FHIT: variants seen among roughly 807,000 people sequenced by gnomAD.
FHIT encodes bis(5'-adenosyl)-triphosphatase.
In FHIT, 19 loss-of-function variants were observed where a neutral mutation model predicts 17.9. The observed-to-expected ratio is 1.06, with a 90% CI of 0.74 to 1.56. The LOEUF is 1.56. Ranked by LOEUF, FHIT falls within the 40% of genes most tolerant of loss-of-function variation. The probability of loss-of-function intolerance (pLI) is 0.00; values close to 1 mark genes in which losing one functional copy is unlikely to be tolerated. For missense variants in FHIT, 248 were observed against 189.2 expected, an observed-to-expected ratio of 1.31 and a Z score of -1.82; for synonymous variants, 81 against 69.7, an observed-to-expected ratio of 1.16 and a Z score of -0.81.
At chr3:59,780,469 C>CT (rs1380594359) in intron 8 of FHIT, among the ~76,000 whole-genome samples, 1 of 152,192 alleles carries the variant, frequency 6.6e-6, no homozygotes, top group Non-Finnish European at 1.5e-5. Flanking sequence ...CTGGCTCTAC[C>CT]TTCTTCCACT....
At chr3:60,092,501 CT>C (rs2107101823) in intron 5 of FHIT, among the ~76,000 whole-genome samples, 1 of 152,282 alleles carries the variant, frequency 6.6e-6, no homozygotes, top group South Asian at 2.1e-4. Flanking sequence ...TAAGGTCTGG[CT>C]TTTAACTAAA....
At chr3:59,906,926 C>T (rs1704610294) in intron 8 of FHIT, among the ~76,000 whole-genome samples, 1 of 152,208 alleles carries the variant, frequency 6.6e-6, no homozygotes, top group South Asian at 2.1e-4. Flanking sequence ...AATACCCTTT[C>T]TGCTATGCTA....
chr3:60,861,987 G>C (rs931916540), intron 3 of FHIT, among the ~76,000 whole-genome samples: 1 of 147,192 alleles, frequency 6.8e-6, no homozygotes, highest in African/African-American at 2.5e-5. Flanking sequence ...TGGTAACCTA[G>C]AATAAAATGA....
At chr3:60,141,603 C>T (rs1305286977) in intron 5 of FHIT, among the ~76,000 whole-genome samples, 2 of 152,086 alleles carry the variant, frequency 1.3e-5, no homozygotes, top group African/African-American at 4.8e-5. Flanking sequence ...AGTGATATGT[C>T]AACAAATATA....
intron 3 of FHIT, among the ~76,000 whole-genome samples, chr3:60,960,457 T>C (rs1270792322): frequency 1.3e-5 from 2 of 152,232 alleles, no homozygotes; most frequent in African/African-American, 4.8e-5. Context: ...AGTTCTAGGG[T>C]ACATGTGCAC....
At chr3:60,627,067 T>C (rs565598103) in intron 4 of FHIT, among the ~76,000 whole-genome samples, 25 of 152,228 alleles carry the variant, frequency 1.6e-4, no homozygotes, top group African/African-American at 5.8e-4. Flanking sequence ...GTACAAAATA[T>C]GTTGCTGGAT....
chr3:60,161,117 A>G lies in FHIT; in HGVS notation c.104-146965T>C, dbSNP rs972467579. 1.1e-4 allele frequency among the ~76,000 whole-genome samples: 16 copies of G among 152,212 alleles called. 1 individual carries two copies. The highest frequency in any genetic ancestry group is 9.8e-4 in the Admixed American group (15 of 15,286). ...CATATACCTCCTAACGAGTATGACAATAACAGAAGAACTGACTTGTGTGGC... is the reference window on the plus strand; with the variant it reads ...CATATACCTCCTAACGAGTATGACAGTAACAGAAGAACTGACTTGTGTGGC... On this transcript the variant is annotated intron_variant, in intron 5 of 9. Transcript: ENST00000492590.
intron 2 of FHIT, among the ~76,000 whole-genome samples, chr3:61,177,298 C>T (rs1005319648): frequency 1.3e-5 from 2 of 152,060 alleles, no homozygotes; most frequent in South Asian, 4.2e-4. Context: ...TTAAAGAGGA[C>T]CTCCCAAATT....
intron 3 of FHIT, among the ~76,000 whole-genome samples, chr3:60,927,053 G>A (rs1040935123): frequency 5.3e-5 from 8 of 152,052 alleles, no homozygotes; most frequent in Non-Finnish European, 8.8e-5. Context: ...CTCTGTTGCC[G>A]AGGCTGGACT....
intron 1 of FHIT, among the ~76,000 whole-genome samples, chr3:61,209,956 G>A (rs914519602): frequency 1.3e-5 from 2 of 152,048 alleles, no homozygotes; most frequent in South Asian, 2.1e-4. Flanking sequence ...TCTACCTTTG[G>A]TCTTTGATGA....
chr3:60,074,272 C>T (rs920584312), intron 5 of FHIT, among the ~76,000 whole-genome samples: 4 of 152,028 alleles, frequency 2.6e-5, no homozygotes, highest in Non-Finnish European at 5.9e-5. Context: ...TGCACCCATA[C>T]AAATGTTAAA....
chr3:60,069,499 G>A (rs2630180), intron 5 of FHIT, among the ~76,000 whole-genome samples: 50,801 of 152,030 alleles, frequency 0.33, 9,796 homozygotes, highest in African/African-American at 0.53. Flanking sequence ...GGGGCTGCAG[G>A]TCCAGCAAAG....
intron 3 of FHIT, among the ~76,000 whole-genome samples, chr3:60,923,550 A>G (rs2107324199): frequency 6.6e-6 from 1 of 152,330 alleles, no homozygotes; most frequent in East Asian, 1.9e-4. Flanking sequence ...GAGTCTGGTA[A>G]TTATGTATTT....
intron 7 of FHIT, among the ~76,000 whole-genome samples, chr3:59,947,350 G>A (rs143270962): frequency 6.6e-6 from 1 of 152,070 alleles, no homozygotes; most frequent in African/African-American, 2.4e-5. Context: ...CTGGGGGGTT[G>A]GTGGTAATGT....
intron 3 of FHIT, among the ~76,000 whole-genome samples, chr3:60,961,136 G>A (rs538927409): frequency 3.3e-5 from 5 of 152,212 alleles, no homozygotes. Context: ...TAAATGGTGT[G>A]AGATGGTATC....
At chr3:60,207,700 G>T (rs1222759181) in intron 5 of FHIT, among the ~76,000 whole-genome samples, 1 of 152,050 alleles carries the variant, frequency 6.6e-6, no homozygotes, top group Non-Finnish European at 1.5e-5. Context: ...TATAGAATTC[G>T]TATGTGAGTT....
chr3:59,946,484 C>T (rs989207839), intron 7 of FHIT, among the ~76,000 whole-genome samples: 30 of 152,232 alleles, frequency 2.0e-4, no homozygotes, highest in African/African-American at 3.1e-4. Context: ...TTTAACTTCC[C>T]GTCTTGCTAT....
At chr3:60,525,399 T>C (rs930845782) in intron 5 of FHIT, among the ~76,000 whole-genome samples, 38 of 152,346 alleles carry the variant, frequency 2.5e-4, no homozygotes, top group African/African-American at 9.1e-4. Context: ...CTCTAAGAAT[T>C]GAAGGGATCA....
chr3:60,261,706 C>A (rs1019045084), intron 5 of FHIT, among the ~76,000 whole-genome samples: 5 of 151,982 alleles, frequency 3.3e-5, no homozygotes, highest in Non-Finnish European at 5.9e-5. Context: ...ACGTTCAGGA[C>A]ACCCCACTTT....
Sources: allele counts gnomAD v4.1 joint callset (sites outside exome capture counted in the v4.1 genomes callset), GRCh38; gene constraint gnomAD v4.1.1; transcripts MANE v1.5; gene names NCBI Gene and HGNC (gene_info 2026-07-23, HGNC 2026-07-21).